The following ASAP2 variants were observed in gnomAD, a reference collection of about 807,000 sequenced individuals.
ASAP2 encodes the protein arf-GAP with SH3 domain, ANK repeat and PH domain-containing protein 2.
ASAP2 carries 45 observed loss-of-function variants against 131.4 expected under a neutral mutation model. That is an observed-to-expected ratio of 0.34 (90% CI 0.27 to 0.44). The LOEUF is 0.44. Ranked by LOEUF, ASAP2 falls within the 20% of genes least tolerant of loss-of-function variation. The probability of loss-of-function intolerance (pLI) is 1.00; values close to 1 mark genes in which losing one functional copy is unlikely to be tolerated. For missense variants in ASAP2, 1,011 were observed against 1,297.0 expected, an observed-to-expected ratio of 0.78 and a Z score of 3.39; for synonymous variants, 510 against 503.0, an observed-to-expected ratio of 1.01 and a Z score of -0.19.
chr2:9,369,817 G>A (rs1673793143), intron 16 of ASAP2, among the ~76,000 whole-genome samples: 1 of 152,174 alleles, frequency 6.6e-6, no homozygotes, highest in Non-Finnish European at 1.5e-5. Flanking sequence ...CAAATAGGTG[G>A]TAGTGTATGG....
intron 2 of ASAP2, among the ~76,000 whole-genome samples, chr2:9,293,276 G>A (rs1381105480): frequency 6.6e-6 from 1 of 152,284 alleles, no homozygotes; most frequent in East Asian, 1.9e-4. Flanking sequence ...ATAAAGGGGT[G>A]ATGGCTTAGA....
At chr2:9,400,674 G>A (rs1249779394) in intron 25 of ASAP2, 68 bp from the exon 26 acceptor site, 1 of 1,395,408 alleles carries the variant, frequency 7.2e-7, no homozygotes, top group Non-Finnish European at 1.0e-6. Context: ...CCTGTGGCTT[G>A]TACATTGTTT....
chr2:9,279,880 A>ATTTACACATACATATTT (rs55996345), intron 2 of ASAP2, among the ~76,000 whole-genome samples: 96,926 of 151,664 alleles, frequency 0.64, 31,403 homozygotes, highest in East Asian at 0.84. Context: ...ACACATATAT[A>ATTTACACATACATATTT]TTTACACATA....
intron 3 of ASAP2, among the ~76,000 whole-genome samples, chr2:9,314,302 A>G (rs1669504218): frequency 6.6e-6 from 1 of 152,198 alleles, no homozygotes; most frequent in African/African-American, 2.4e-5. Context: ...AAATTTACCT[A>G]CTGTTGCTGT....
chr2:9,218,367 C>G (rs537285852), intron 1 of ASAP2, among the ~76,000 whole-genome samples: 1 of 152,316 alleles, frequency 6.6e-6, no homozygotes, highest in African/African-American at 2.4e-5. Context: ...ACCAATTGGC[C>G]TCCTTAGAGC....
At chr2:9,234,110 CAAAAAAA>C (rs70948810) in intron 1 of ASAP2, among the ~76,000 whole-genome samples, 14 of 76,584 alleles carry the variant, frequency 1.8e-4, no homozygotes, top group Non-Finnish European at 2.5e-4. Context: ...AGCTATGTCT[CAAAAAAA>C]AAAAAAAAAA....
intron 3 of ASAP2, among the ~76,000 whole-genome samples, chr2:9,305,502 A>G (rs1668840259): frequency 6.9e-6 from 1 of 144,566 alleles, no homozygotes; most frequent in African/African-American, 2.6e-5. Flanking sequence ...GAGAGGCTGT[A>G]GTAGTGGGGT....
chr2:9,335,243 AG>A, intron 9 of ASAP2, 64 bp downstream of exon 9: 1 of 1,449,186 alleles, frequency 6.9e-7, no homozygotes. Context: ...TTGGGTCTGA[AG>A]AACATGAAGT....
chr2:9,338,123 G>A (rs149663920), intron 9 of ASAP2, among the ~76,000 whole-genome samples: 25 of 152,274 alleles, frequency 1.6e-4, no homozygotes, highest in South Asian at 1.5e-3. Context: ...GGGTGCTGGC[G>A]GAGTCCCAAA....
Position 9,295,959 on chromosome 2 carries a change from G to A in ASAP2, c.200-1341G>A, listed in dbSNP as rs146656171. Among the ~76,000 whole-genome samples, 144 of 152,260 alleles carry A rather than the reference G, an allele frequency of 9.5e-4. 1 individual carries two copies. The Middle Eastern group carries it at 0.014, about 14-fold the overall frequency. ...GCCCTCCAGGAACAAATGTTCCCTC[G>A]TTTTCCCACATTGTCAGGCCCAGCC... On this transcript the variant is annotated intron_variant, in intron 2 of 27. Coordinates refer to ENST00000281419, the MANE Select transcript of ASAP2 (RefSeq NM_003887.3).
chr2:9,340,777 T>C (rs572856286), intron 9 of ASAP2, among the ~76,000 whole-genome samples: 11 of 152,338 alleles, frequency 7.2e-5, no homozygotes, highest in Middle Eastern at 6.8e-3. Context: ...GCTCAAGGAT[T>C]CTACTGGTCA....
chr2:9,269,619 A>T (rs1056535585), intron 1 of ASAP2, among the ~76,000 whole-genome samples: 2 of 152,202 alleles, frequency 1.3e-5, no homozygotes, highest in African/African-American at 4.8e-5. Context: ...AGGTGGTGGC[A>T]CCGCCCTCAG....
chr2:9,344,850 G>A, intron 11 of ASAP2, 50 bp downstream of exon 11: 2 of 1,532,570 alleles, frequency 1.3e-6, no homozygotes, highest in Non-Finnish European at 1.8e-6. Context: ...GGTGAGGTTG[G>A]TGTTGGAGGA....
At position 9,207,465 on chromosome 2, in the gene ASAP2, G is replaced by A. The variant is rs1661198349; in HGVS notation, c.126+235G>A. 6.6e-6 allele frequency among the ~76,000 whole-genome samples: 1 copy of A among 152,084 alleles called. No homozygotes were observed. The highest frequency in any genetic ancestry group is 6.5e-5 in the Admixed American group (1 of 15,282). ...CCTCTCTCGGCCTCGTGGCCCTCGC[G>A]GGGTTCCGCGGCCTGGTCTTTTCCC... On this transcript the variant is annotated intron_variant, in intron 1 of 27. Transcript: ENST00000281419. The surrounding 1 kb of genome is among the most constrained non-coding windows in gnomAD (Gnocchi z 4.1).
chr2:9,355,552 C>T lies in ASAP2; in HGVS notation c.1112-495C>T, dbSNP rs138533081. On this transcript the variant is annotated intron_variant, in intron 12 of 27. Coordinates refer to ENST00000281419, the MANE Select transcript of ASAP2 (RefSeq NM_003887.3). ...GTATGTAAGTGTAGGATTTTATATT[C>T]GACCATTATTTAACACACTCCTCTT... Among the ~76,000 whole-genome samples, 813 of 152,286 alleles carry T rather than the reference C, an allele frequency of 5.3e-3. 1 individual carries two copies. The highest frequency in any genetic ancestry group is 0.01 in the Middle Eastern group (3 of 294).
chr2:9,358,747 C>G lies in ASAP2; in HGVS notation c.1328-9C>G. On this transcript the variant is annotated splice_polypyrimidine_tract_variant and intron_variant, in intron 14 of 27. Transcript: ENST00000281419. ...TGGAAGCTCAAATCTGCCCTGTTCTCTTTGGCAGATCCTACATGGCTTTCC... is the reference window on the plus strand; with the variant it reads ...TGGAAGCTCAAATCTGCCCTGTTCTGTTTGGCAGATCCTACATGGCTTTCC... The G allele has an allele frequency of 1.2e-6, 2 of 1,611,666 alleles. No homozygotes were observed. Among genetic ancestry groups the G allele is most frequent in the Non-Finnish European group, 1.7e-6 (2 of 1,179,420 alleles).
intron 9 of ASAP2, among the ~76,000 whole-genome samples, chr2:9,340,050 T>C (rs1198093308): frequency 6.6e-6 from 1 of 152,218 alleles, no homozygotes; most frequent in East Asian, 1.9e-4. Context: ...TGAGACAGAA[T>C]CTCCCTCTGT....
At chr2:9,371,776 A>C (rs1302570809) in intron 16 of ASAP2, among the ~76,000 whole-genome samples, 6 of 152,132 alleles carry the variant, frequency 3.9e-5, no homozygotes, top group Non-Finnish European at 5.9e-5. Context: ...CTGAACACCA[A>C]ATGTATCATT....
intron 1 of ASAP2, among the ~76,000 whole-genome samples, chr2:9,274,511 C>T (rs373603134): frequency 6.6e-6 from 1 of 151,810 alleles, no homozygotes; most frequent in Non-Finnish European, 1.5e-5. Flanking sequence ...TTAGTAGAAT[C>T]GGAGTTTTAC....
Sources: allele counts gnomAD v4.1 joint callset (sites outside exome capture counted in the v4.1 genomes callset), GRCh38; gene constraint gnomAD v4.1.1; non-coding constraint Gnocchi (gnomAD v3.1); transcripts MANE v1.5; gene names NCBI Gene and HGNC (gene_info 2026-07-23, HGNC 2026-07-21).